Variants in PRKCA observed in about 807,000 individuals in gnomAD.
PRKCA encodes the protein protein kinase C alpha type.
Under a neutral mutation model 87.0 loss-of-function variants are expected in PRKCA, and 27 were observed. The ratio of observed to expected loss-of-function variants is 0.31; its 90% CI spans 0.23 to 0.43. PRKCA has a LOEUF of 0.43. PRKCA is among the 20% of genes least tolerant of loss of function. PRKCA has a pLI of 1.00. For missense variants in PRKCA, 518 were observed against 852.3 expected (o/e 0.61, Z 4.88); for synonymous variants, 329 against 311.1 (o/e 1.06, Z -0.61).
chr17:66,646,310 G>A (rs1246364128), intron 5 of PRKCA, among the ~76,000 whole-genome samples: 1 of 152,124 alleles, frequency 6.6e-6, no homozygotes, highest in East Asian at 1.9e-4. Flanking sequence ...TCCACTTTCG[G>A]TTCATCGGCA....
chr17:66,425,168 G>A (rs1912728770), intron 2 of PRKCA, among the ~76,000 whole-genome samples: 1 of 152,178 alleles, frequency 6.6e-6, no homozygotes, highest in Non-Finnish European at 1.5e-5. Flanking sequence ...CAATTTTTGA[G>A]TAAACGTAGC....
At chr17:66,500,184 A>T (rs1916667668) in intron 3 of PRKCA, among the ~76,000 whole-genome samples, 1 of 152,204 alleles carries the variant, frequency 6.6e-6, no homozygotes, top group Non-Finnish European at 1.5e-5. Context: ...CAGATACAGA[A>T]TCTGCTGGCA....
chr17:66,524,595 A>G (rs886377175), intron 3 of PRKCA, among the ~76,000 whole-genome samples: 3 of 152,290 alleles, frequency 2.0e-5, no homozygotes, highest in South Asian at 4.1e-4. Context: ...CAGAACACCT[A>G]GGAGATGTCT....
chr17:66,766,808 C>CAA lies in PRKCA; in HGVS notation c.1525-7161_1525-7160dup, dbSNP rs559889725. ...GGGTAACAAAAGCGAAACTCCTTCT[C>CAA]AAAAAAAAAAAAAAAAAAATTTAAT... On this transcript the variant is annotated intron_variant, in intron 13 of 16. Transcript: ENST00000413366. Among the ~76,000 whole-genome samples the CAA allele has an allele frequency of 1.5e-4, 16 of 104,420 alleles. 1 individual carries two copies. The highest frequency in any genetic ancestry group is 2.4e-4 in the African/African-American group (7 of 29,182). 68.5% of individuals were successfully genotyped at this position (104,420 alleles called of 152,430 possible).
chr17:66,410,170 G>A (rs1210433007), intron 2 of PRKCA, among the ~76,000 whole-genome samples: 3 of 151,754 alleles, frequency 2.0e-5, no homozygotes, highest in African/African-American at 7.2e-5. Flanking sequence ...TCTACCTTGG[G>A]AATCTCTCTT....
chr17:66,738,736 T>G (rs1239350431), intron 10 of PRKCA, 28 bp from the exon 11 acceptor site: 2 of 1,596,558 alleles, frequency 1.3e-6, no homozygotes, highest in Admixed American at 1.7e-5. Context: ...GGAGGAGCCC[T>G]GCTCATGTGT....
intron 2 of PRKCA, among the ~76,000 whole-genome samples, chr17:66,308,886 TG>T (rs1304677160): frequency 7.8e-5 from 10 of 127,912 alleles, no homozygotes; most frequent in Admixed American, 6.3e-4. Context: ...TCTCTAATTT[TG>T]TTTTTTTTTT....
intron 2 of PRKCA, among the ~76,000 whole-genome samples, chr17:66,459,998 G>A (rs568959261): frequency 2.6e-4 from 40 of 152,200 alleles, no homozygotes; most frequent in South Asian, 8.3e-4. Context: ...TTTCCATCCC[G>A]CTCACTGGAT....
intron 8 of PRKCA, among the ~76,000 whole-genome samples, chr17:66,694,527 C>T (rs975457680): frequency 5.6e-5 from 8 of 141,926 alleles, no homozygotes; most frequent in East Asian, 2.0e-4. Context: ...GTAAACCACA[C>T]GAAGAATCAA....
intron 8 of PRKCA, among the ~76,000 whole-genome samples, chr17:66,694,618 G>C (rs1972873117): frequency 6.6e-6 from 1 of 150,812 alleles, no homozygotes. Flanking sequence ...CGTCACAGTT[G>C]ATTGACTACT....
chr17:66,694,651 A>G (rs2144063308), intron 8 of PRKCA, among the ~76,000 whole-genome samples: 1 of 151,854 alleles, frequency 6.6e-6, no homozygotes, highest in Non-Finnish European at 1.5e-5. Flanking sequence ...ATGAAGGTCC[A>G]GTACTTTTGT....
At chr17:66,528,298 A>G (rs767332223) in intron 3 of PRKCA, among the ~76,000 whole-genome samples, 1 of 151,636 alleles carries the variant, frequency 6.6e-6, no homozygotes. Flanking sequence ...GTAGGTATGT[A>G]CATGTGGTAG....
intron 3 of PRKCA, among the ~76,000 whole-genome samples, chr17:66,616,510 C>T (rs1329006835): frequency 6.6e-6 from 1 of 152,166 alleles, no homozygotes; most frequent in African/African-American, 2.4e-5. Context: ...CTGCTGTGCC[C>T]AGGCACCGTG....
chr17:66,331,677 A>G (rs1357667495), intron 2 of PRKCA, among the ~76,000 whole-genome samples: 1 of 152,192 alleles, frequency 6.6e-6, no homozygotes, highest in African/African-American at 2.4e-5. Flanking sequence ...ACTCAAAGTC[A>G]TTGGGCAGAG....
chr17:66,548,998 G>A (rs1968242689), intron 3 of PRKCA, among the ~76,000 whole-genome samples: 1 of 151,978 alleles, frequency 6.6e-6, no homozygotes, highest in Non-Finnish European at 1.5e-5. Flanking sequence ...GTAGAGATGG[G>A]GTTTTGCCAT....
chr17:66,441,549 C>T (rs1339870397), intron 2 of PRKCA, among the ~76,000 whole-genome samples: 7 of 152,144 alleles, frequency 4.6e-5, no homozygotes, highest in Non-Finnish European at 1.0e-4. Context: ...TTTTGTACAT[C>T]TTCATACGAC....
At chr17:66,420,148 A>C (rs1912404811) in intron 2 of PRKCA, among the ~76,000 whole-genome samples, 1 of 151,734 alleles carries the variant, frequency 6.6e-6, no homozygotes, top group African/African-American at 2.4e-5. Context: ...AGTAGCTGGG[A>C]CTGCAGAAGT....
chr17:66,801,228 C>T (rs1030882518), intron 16 of PRKCA, among the ~76,000 whole-genome samples: 13 of 152,234 alleles, frequency 8.5e-5, no homozygotes, highest in Non-Finnish European at 5.9e-5. Context: ...CTTGTTATAT[C>T]CCTGAGTTTC....
chr17:66,664,353 G>A (rs754556017), intron 5 of PRKCA, among the ~76,000 whole-genome samples: 29 of 152,128 alleles, frequency 1.9e-4, no homozygotes, highest in East Asian at 7.7e-4. Flanking sequence ...CAGGAGCTGC[G>A]TCCCAAGGCC....
Sources: allele counts gnomAD v4.1 joint callset (sites outside exome capture counted in the v4.1 genomes callset), GRCh38; gene constraint gnomAD v4.1.1; transcripts MANE v1.5; gene names NCBI Gene and HGNC (gene_info 2026-07-23, HGNC 2026-07-21).